Variants in AEBP2 observed in about 807,000 individuals in gnomAD.
The protein encoded by AEBP2 is AE binding protein 2.
Under a neutral mutation model 50.8 loss-of-function variants are expected in AEBP2, and 10 were observed. The ratio of observed to expected loss-of-function variants is 0.20; its 90% confidence interval spans 0.12 to 0.33. The LOEUF (loss-of-function observed/expected upper bound fraction) is 0.33. Among genes scored for constraint, AEBP2 ranks in the 10% least tolerant of loss-of-function variants. The pLI is 1.00. For missense variants in AEBP2, 570 were observed against 688.0 expected (o/e 0.83, Z 1.92); for synonymous variants, 296 against 261.3 (o/e 1.13, Z -1.28).
intron 1 of AEBP2, among the ~76,000 whole-genome samples, chr12:19,414,883 A>G (rs536757718): frequency 6.6e-6 from 1 of 151,530 alleles, no homozygotes; most frequent in Admixed American, 6.6e-5. Context: ...AGATTGTGCC[A>G]CTGCACTCCA....
intron 7 of AEBP2, among the ~76,000 whole-genome samples, chr12:19,516,984 G>A (rs1042661757): frequency 2.6e-5 from 4 of 152,100 alleles, no homozygotes; most frequent in Non-Finnish European, 5.9e-5. Context: ...CCGAGATCAC[G>A]TCCTACACTC....
intron 1 of AEBP2, among the ~76,000 whole-genome samples, chr12:19,427,101 G>A (rs1366599435): frequency 6.6e-6 from 1 of 152,076 alleles, no homozygotes; most frequent in Non-Finnish European, 1.5e-5. Flanking sequence ...GAGGAAGGTC[G>A]GGCACGGTGG....
At chr12:19,415,329 AAAAAAAAAAAAAAAAAAAAAAATAT>A (rs1232349832) in intron 1 of AEBP2, among the ~76,000 whole-genome samples, 1 of 26,416 alleles carries the variant, frequency 3.8e-5, no homozygotes, top group East Asian at 1.1e-3. Flanking sequence ...AAAAAAAAAA[AAAAAAAAAAAAAAAAAAAAAAATAT>A]ATATATATAT....
rs756124358 is a variant in AEBP2 at position 19,462,614 on chromosome 12, T to C, written c.776T>C (p.Ile259Thr). 1.9e-6 allele frequency: 3 copies of C among 1,614,004 alleles called. No homozygotes were observed. Among genetic ancestry groups the C allele is most frequent in the Admixed American group, 3.3e-5 (2 of 60,016 alleles). Reference protein sequence around the residue: ...QGSTTSSSKNIAYNCCWDQCQ... With the variant: ...QGSTTSSSKNTAYNCCWDQCQ... ...AGCACTACTTCTTCAAGCAAAAATA[T>C]TGCCTATAATTGTTGTTGGGACCAG... Residue 259 changes from isoleucine (I) to threonine (T), a missense_variant, in exon 2 of 8, where the codon ATT (isoleucine) becomes ACT (threonine). This residue lies in a region of AEBP2 where 184 missense variants were observed against 351.2 expected (regional missense o/e 0.52). Transcript: ENST00000266508.
rs372869839 is a variant in AEBP2, at chr12:19,459,617, A to G, written c.672-2893A>G. ...CATACCCAAGGTTAGTCTTGCAACA[A>G]CAAACAATATATGTATATTCAGATA... On this transcript the variant is annotated intron_variant, in intron 1 of 7. Transcript: ENST00000266508. Among the ~76,000 whole-genome samples the G allele has an allele frequency of 1.8e-4, 27 of 152,378 alleles. 1 individual carries two copies. In the South Asian group the frequency reaches 5.2e-3, roughly 29 times the overall value.
In AEBP2 at chr12:19,519,545, G is replaced by A. The variant is rs951888374; in HGVS notation, c.*1428G>A. The A allele has an allele frequency of 6.6e-6, 1 of 152,534 alleles. No individual in the cohort carries two copies. The highest frequency in any genetic ancestry group is 2.4e-5 in the African/African-American group (1 of 41,448). The allele number at this position is 152,534 out of a possible 1,614,324, so 9.4% of individuals were successfully genotyped here. On this transcript the variant is annotated 3_prime_UTR_variant, in exon 8 of 8. Coordinates refer to ENST00000266508, the MANE Select transcript of AEBP2 (RefSeq NM_153207.5). ...GAAATCAGTTATTTCCTTACTGTTGGAAGGACATTGTAAAGTATGTGGTTA... is the reference window on the plus strand; with the variant it reads ...GAAATCAGTTATTTCCTTACTGTTGAAAGGACATTGTAAAGTATGTGGTTA...
chr12:19,440,139 G>C lies in AEBP2; in HGVS notation c.440G>C (p.Ser147Thr), dbSNP rs1458077261. 6.6e-7 allele frequency: 1 copy of C among 1,505,788 alleles called. No individual in the cohort carries two copies. The highest frequency in any genetic ancestry group is 8.8e-7 in the Non-Finnish European group (1 of 1,133,824). 93.3% of individuals were successfully genotyped at this position (1,505,788 alleles called of 1,614,324 possible). A position where few individuals can be genotyped will look rare whatever the true frequency, so the allele number is the denominator to read the frequency against. The change falls in exon 1 of 8, where the codon AGC becomes ACC. Residue 147 changes from serine to threonine, a missense_variant. By Grantham distance (58) the Ser-to-Thr change is moderately conservative. This residue lies in a region of AEBP2 where 386 missense variants were observed against 336.8 expected (regional missense o/e 1.15). Transcript: ENST00000266508. ...TRSLSPGAAS[S>T]SSGDGDGKEG... is the part of the protein sequence containing the mutation. Reference sequence around the variant, plus strand: ...TCGTTGAGCCCCGGCGCCGCCAGCAGCAGCAGCGGGGATGGGGACGGCAAG... The same window carrying C: ...TCGTTGAGCCCCGGCGCCGCCAGCACCAGCAGCGGGGATGGGGACGGCAAG...
intron 3 of AEBP2, among the ~76,000 whole-genome samples, chr12:19,481,987 C>A (rs1235334393): frequency 6.6e-6 from 1 of 152,082 alleles, no homozygotes; most frequent in African/African-American, 2.4e-5. Context: ...GAAATTTATT[C>A]TTGGTTTGGA....
intron 1 of AEBP2, among the ~76,000 whole-genome samples, chr12:19,459,624 A>G (rs990440106): frequency 5.3e-5 from 8 of 152,238 alleles, no homozygotes; most frequent in Non-Finnish European, 1.0e-4. Context: ...ACAACAAACA[A>G]TATATGTATA....
At chr12:19,462,367 T>G in intron 1 of AEBP2, 143 bp from the exon 2 acceptor site, 2 of 673,360 alleles carry the variant, frequency 3.0e-6, no homozygotes, top group Non-Finnish European at 4.9e-6. Flanking sequence ...AAAGCATTGT[T>G]GTTTTCTCAT....
At chr12:19,429,884 G>A (rs1392243033) in intron 1 of AEBP2, among the ~76,000 whole-genome samples, 3 of 150,920 alleles carry the variant, frequency 2.0e-5, no homozygotes, top group African/African-American at 7.3e-5. Flanking sequence ...TTAGCCCTTT[G>A]TCAGATGAGT....
chr12:19,506,624 A>C (rs1247571153), intron 5 of AEBP2, among the ~76,000 whole-genome samples: 1 of 152,146 alleles, frequency 6.6e-6, no homozygotes, highest in Non-Finnish European at 1.5e-5. Flanking sequence ...CTGCCCTAGA[A>C]AACCTACTGT....
At chr12:19,512,526 TACAC>T (rs1054684632) in intron 6 of AEBP2, 61 bp downstream of exon 6, 16 of 1,042,424 alleles carry the variant, frequency 1.5e-5, no homozygotes, top group African/African-American at 6.5e-5. Context: ...GTTAAAATCT[TACAC>T]ACAAAAATTA....
intron 1 of AEBP2, among the ~76,000 whole-genome samples, chr12:19,459,790 C>T (rs934848382): frequency 2.6e-5 from 4 of 152,018 alleles, no homozygotes; most frequent in Admixed American, 1.3e-4. Context: ...GATAGATGAG[C>T]TTAAATACTA....
intron 3 of AEBP2, among the ~76,000 whole-genome samples, chr12:19,493,279 T>C (rs1948921331): frequency 6.6e-6 from 1 of 152,038 alleles, no homozygotes; most frequent in African/African-American, 2.4e-5. Flanking sequence ...CACACACGTG[T>C]AATCCCAGCT....
chr12:19,424,077 T>C (rs1251885522), intron 1 of AEBP2, among the ~76,000 whole-genome samples: 3 of 152,102 alleles, frequency 2.0e-5, no homozygotes, highest in Non-Finnish European at 2.9e-5. Flanking sequence ...GAAGACCTTG[T>C]AGAATAAGAA....
intron 3 of AEBP2, among the ~76,000 whole-genome samples, chr12:19,490,957 T>C (rs1296424964): frequency 6.6e-6 from 1 of 152,218 alleles, no homozygotes; most frequent in African/African-American, 2.4e-5. Context: ...TTTCAAATGG[T>C]TAATTTTGTG....
intron 1 of AEBP2, among the ~76,000 whole-genome samples, chr12:19,455,822 C>G (rs1565711355): frequency 6.6e-6 from 1 of 152,198 alleles, no homozygotes; most frequent in South Asian, 2.1e-4. Context: ...ATTGACATCT[C>G]TAACAACGTG....
intron 1 of AEBP2, among the ~76,000 whole-genome samples, chr12:19,443,471 C>T (rs1021887054): frequency 1.3e-5 from 2 of 151,786 alleles, no homozygotes; most frequent in African/African-American, 4.8e-5. Context: ...GTAATCCCAG[C>T]ACTTTGGGAG....
Sources: gnomAD v4.1 joint callset for allele counts (sites outside exome capture counted in the v4.1 genomes callset) on GRCh38, gnomAD v4.1.1 for gene constraint, gnomAD v4.1.1 regional missense constraint, MANE v1.5 for transcripts, NCBI Gene and HGNC (gene_info 2026-07-23, HGNC 2026-07-21) for gene names.